The following USP6NL variants were observed in gnomAD, a reference collection of about 807,000 sequenced individuals.
USP6NL encodes USP6 N-terminal like.
USP6NL carries 26 observed loss-of-function variants against 61.9 expected under a neutral mutation model. The observed-to-expected ratio is 0.42, with a 90% CI of 0.31 to 0.58. The LOEUF is 0.58. Ranked by LOEUF, USP6NL falls within the 20% of genes least tolerant of loss-of-function variation. The pLI is 0.16. For missense variants in USP6NL, 1,114 were observed against 1,034.3 expected (o/e 1.08, Z -1.06); for synonymous variants, 432 against 390.1 (o/e 1.11, Z -1.27).
At position 11,463,389 on chromosome 10, in the gene USP6NL, G is replaced by A. The variant is rs764479320; in HGVS notation, c.1539C>T (p.Pro513=). Residue 513 remains proline, a synonymous_variant, in exon 15 of 15, where the codon CCC becomes CCT. Coordinates refer to ENST00000609104, the MANE Select transcript of USP6NL (RefSeq NM_014688.5). This position sits in a 1 kb window ranked among gnomAD's most constrained non-coding sequence, Gnocchi z 6.3. ...TMEGKGRAAH[P]ALAVTVPGPA... ...GACCTGGGACGGTAACTGCGAGCGC[G>A]GGGTGCGCTGCTCGACCTTTGCCTT... 2.5e-6 allele frequency: 4 copies of A among 1,614,046 alleles called. No homozygotes were observed. The highest frequency in any genetic ancestry group is 3.4e-6 in the Non-Finnish European group (4 of 1,179,904).
chr10:11,581,402 C>A (rs182653627), intron 2 of USP6NL, among the ~76,000 whole-genome samples: 1 of 152,336 alleles, frequency 6.6e-6, no homozygotes, highest in African/African-American at 2.4e-5. Context: ...CTGCTCTAAG[C>A]CTACAAATTC....
chr10:11,549,817 T>C (rs986351846), intron 2 of USP6NL, among the ~76,000 whole-genome samples: 3 of 152,238 alleles, frequency 2.0e-5, no homozygotes, highest in Admixed American at 1.3e-4. Context: ...CACGTACTTC[T>C]TTATTAGTTA....
Position 11,485,926 on chromosome 10 carries a change from T to C in USP6NL, c.665-15A>G. ...GACAAAAAAGCCTAGAATACAAACA[T>C]AAAAACAACATTTCATAAACAATAC... is the stretch of plus-strand genomic sequence containing the variant. On this transcript the variant is annotated splice_polypyrimidine_tract_variant and intron_variant, in intron 10 of 14. Coordinates refer to ENST00000609104, the MANE Select transcript of USP6NL (RefSeq NM_014688.5). This position sits in a 1 kb window ranked among gnomAD's most constrained non-coding sequence, Gnocchi z 4.8. 1 of 1,505,144 alleles carries C rather than the reference T, an allele frequency of 6.6e-7. No individual in the cohort carries two copies. The highest frequency in any genetic ancestry group is 1.3e-5 in the South Asian group (1 of 79,354). The allele number at this position is 1,505,144 out of a possible 1,614,324, so 93.2% of individuals were successfully genotyped here.
At chr10:11,494,307 A>C (rs1833822374) in intron 7 of USP6NL, among the ~76,000 whole-genome samples, 2 of 151,856 alleles carry the variant, frequency 1.3e-5, no homozygotes, top group Non-Finnish European at 2.9e-5. Flanking sequence ...CTGGGTTTGG[A>C]TCTATTTTTA....
rs1216398482 is a variant in USP6NL at position 11,598,950 on chromosome 10, C to T, written c.-83-1233G>A. On this transcript the variant is annotated intron_variant, in intron 1 of 14. Coordinates refer to ENST00000609104, the MANE Select transcript of USP6NL (RefSeq NM_014688.5). This position sits in a 1 kb window ranked among gnomAD's most constrained non-coding sequence, Gnocchi z 4.7. ...GCCACGTAATACCCTGACCCCCAAC[C>T]CACATGCTTTCCTCTTTATCTGTCC... Among the ~76,000 whole-genome samples the T allele has an allele frequency of 6.6e-6, 1 of 152,246 alleles. No individual in the cohort carries two copies. Among genetic ancestry groups the T allele is most frequent in the African/African-American group, 2.4e-5 (1 of 41,468 alleles).
At position 11,595,659 on chromosome 10, in the gene USP6NL, A is replaced by G. The variant is rs974711311; in HGVS notation, c.4+1972T>C. On this transcript the variant is annotated intron_variant, in intron 2 of 14. Transcript: ENST00000609104. The surrounding 1 kb of genome is among the most constrained non-coding windows in gnomAD (Gnocchi z 5.3). The stretch of plus-strand genomic sequence containing the variant: ...GAAAAAAACAAAAATCACAAAAAGA[A>G]AGAGAGAGACATAAGAGCAAAAAAA... 6.6e-6 allele frequency among the ~76,000 whole-genome samples: 1 copy of G among 151,780 alleles called. No homozygotes were observed. Among genetic ancestry groups the G allele is most frequent in the Non-Finnish European group, 1.5e-5 (1 of 68,030 alleles).
intron 2 of USP6NL, among the ~76,000 whole-genome samples, chr10:11,541,852 G>A (rs550898250): frequency 6.6e-6 from 1 of 152,062 alleles, no homozygotes; most frequent in South Asian, 2.1e-4. Flanking sequence ...ATGCACTAAA[G>A]ACAGATGACA....
rs143376908 is a variant in USP6NL at position 11,558,426 on chromosome 10, C to T, written c.5-30859G>A. Among the ~76,000 whole-genome samples the T allele has an allele frequency of 1.2e-4, 19 of 152,262 alleles. No homozygotes were observed. The East Asian group carries it at 3.5e-3, about 28-fold the overall frequency. On this transcript the variant is annotated intron_variant, in intron 2 of 14. Transcript: ENST00000609104. ...ACATCCATTCCCAAAATGGTGAATGCTTTATCTATTTAATATGTCCCTCTA... is the reference window on the plus strand; with the variant it reads ...ACATCCATTCCCAAAATGGTGAATGTTTTATCTATTTAATATGTCCCTCTA...
intron 2 of USP6NL, among the ~76,000 whole-genome samples, chr10:11,579,618 T>C (rs952572474): frequency 6.6e-6 from 1 of 152,154 alleles, no homozygotes; most frequent in African/African-American, 2.4e-5. Flanking sequence ...GTCTTCCCAA[T>C]CTTATCAGGG....
chr10:11,584,267 A>G (rs1441794625), intron 2 of USP6NL, among the ~76,000 whole-genome samples: 1 of 152,236 alleles, frequency 6.6e-6, no homozygotes, highest in African/African-American at 2.4e-5. Context: ...TGTTAATTCA[A>G]CGTAACATCA....
At chr10:11,571,896 T>C (rs548460574) in intron 2 of USP6NL, among the ~76,000 whole-genome samples, 3 of 151,154 alleles carry the variant, frequency 2.0e-5, no homozygotes, top group African/African-American at 7.2e-5. Flanking sequence ...TGAAAAATTT[T>C]AAACAAAAGT....
chr10:11,470,723 A>G lies in USP6NL; in HGVS notation c.1079-6874T>C, dbSNP rs1157131557. On this transcript the variant is annotated intron_variant, in intron 14 of 14. Transcript: ENST00000609104. This position sits in a 1 kb window ranked among gnomAD's most constrained non-coding sequence, Gnocchi z 5.4. The stretch of plus-strand genomic sequence containing the variant: ...GCAACTAACTGTAACTAAAACATTC[A>G]CACATAATTGATGTCAAAACAGAAA... Among the ~76,000 whole-genome samples, 1 of 152,216 alleles carries G rather than the reference A, an allele frequency of 6.6e-6. No homozygotes were observed. The highest frequency in any genetic ancestry group is 1.9e-4 in the East Asian group (1 of 5,192).
At chr10:11,580,205 G>C (rs1362887935) in intron 2 of USP6NL, among the ~76,000 whole-genome samples, 1 of 151,998 alleles carries the variant, frequency 6.6e-6, no homozygotes, top group Non-Finnish European at 1.5e-5. Flanking sequence ...TCCTATTATA[G>C]CTTTAGACTC....
intron 2 of USP6NL, among the ~76,000 whole-genome samples, chr10:11,580,836 GGAAT>G (rs1029803022): frequency 2.6e-5 from 4 of 151,728 alleles, no homozygotes; most frequent in Admixed American, 6.6e-5. Flanking sequence ...GATTGATGGA[GGAAT>G]GAATGGATGA....
intron 2 of USP6NL, among the ~76,000 whole-genome samples, chr10:11,560,072 C>T (rs1008283641): frequency 1.3e-5 from 2 of 152,170 alleles, no homozygotes; most frequent in Non-Finnish European, 2.9e-5. Context: ...GTTTTCTACA[C>T]TGAGAATAAT....
chr10:11,488,803 C>CCTG lies in USP6NL; in HGVS notation c.664+296_664+298dup, dbSNP rs541765317. 3.5e-3 allele frequency among the ~76,000 whole-genome samples: 539 copies of CCTG among 152,234 alleles called. 6 individuals carry two copies. Among genetic ancestry groups the CCTG allele is most frequent in the African/African-American group, 0.012 (510 of 41,534 alleles). ...ATCTTTTATTTCTCCCAATAATATACCTGTTCTTAAATTCCTCCAAACCTA... is the reference window on the plus strand; with the variant it reads ...ATCTTTTATTTCTCCCAATAATATACCTGCTGTTCTTAAATTCCTCCAAACCTA... On this transcript the variant is annotated intron_variant, in intron 10 of 14. Transcript: ENST00000609104.
intron 2 of USP6NL, among the ~76,000 whole-genome samples, chr10:11,590,684 A>C (rs1838134058): frequency 6.6e-6 from 1 of 152,262 alleles, no homozygotes; most frequent in Middle Eastern, 3.4e-3. Flanking sequence ...AACTGTAAAA[A>C]TCAAACTCTA....
chr10:11,493,156 G>A lies in USP6NL; in HGVS notation c.457C>T (p.Arg153Trp), dbSNP rs1417869844. ...CTGTCTCTAAACATAATGTGGTCCC[G>A]AAATGTGCGGTTGACATCCAGGTCT... ...QIDLDVNRTFRDHIMFRDRYG... is the reference protein window; with the variant it reads ...QIDLDVNRTFWDHIMFRDRYG... Residue 153 changes from arginine (R) to tryptophan (W), a missense_variant, in exon 8 of 15, where the codon CGG (arginine) becomes TGG (tryptophan). By Grantham distance (101) the Arg-to-Trp change is moderately radical (BLOSUM62 -3). Coordinates refer to ENST00000609104, the MANE Select transcript of USP6NL (RefSeq NM_014688.5). The A allele has an allele frequency of 1.9e-6, 3 of 1,612,118 alleles. No homozygotes were observed. The highest frequency in any genetic ancestry group is 2.5e-6 in the Non-Finnish European group (3 of 1,179,074).
chr10:11,590,802 C>T (rs1038186643), intron 2 of USP6NL, among the ~76,000 whole-genome samples: 3 of 151,928 alleles, frequency 2.0e-5, no homozygotes, highest in African/African-American at 4.8e-5. Flanking sequence ...CAGAAGGACG[C>T]GGAGAACACG....
Sources: allele counts gnomAD v4.1 joint callset (sites outside exome capture counted in the v4.1 genomes callset), GRCh38; gene constraint gnomAD v4.1.1; non-coding constraint Gnocchi (gnomAD v3.1); transcripts MANE v1.5; gene names NCBI Gene and HGNC (gene_info 2026-07-23, HGNC 2026-07-21).